The following RARB variants were observed in gnomAD, a reference collection of about 807,000 sequenced individuals.
RARB encodes the protein retinoic acid receptor beta, also known as HBV-activated protein.
In RARB, 17 loss-of-function variants were observed where a neutral mutation model predicts 51.9. The ratio of observed to expected loss-of-function variants is 0.33; its 90% confidence interval spans 0.22 to 0.49. The LOEUF (loss-of-function observed/expected upper bound fraction) is 0.49, where lower values mean the gene tolerates loss of function less well. Among genes scored for constraint, RARB ranks in the 20% least tolerant of loss-of-function variants. RARB has a pLI of 0.99. For synonymous variants in RARB, 215 were observed against 195.4 expected (o/e 1.10, Z -0.84); for missense variants, 369 against 550.8 (o/e 0.67, Z 3.30).
chr3:25,489,904 T>A (rs550415412), intron 2 of RARB, among the ~76,000 whole-genome samples: 68 of 152,224 alleles, frequency 4.5e-4, no homozygotes, highest in African/African-American at 1.6e-3. Context: ...TCGATACTCT[T>A]AGCATTATCA....
chr3:25,117,221 T>C (rs891253260), intron 3 of RARB, among the ~76,000 whole-genome samples: 4 of 152,126 alleles, frequency 2.6e-5, no homozygotes, highest in Non-Finnish European at 4.4e-5. Context: ...TAAAATCAAA[T>C]ATGATAATCT....
At chr3:25,166,789 A>G (rs78703772) in intron 4 of RARB, among the ~76,000 whole-genome samples, 2,430 of 152,202 alleles carry the variant, frequency 0.016, 54 homozygotes, top group African/African-American at 0.054. Flanking sequence ...CTCAAGGCCA[A>G]CTCTAATAAG....
At chr3:25,018,857 C>A (rs981727409) in intron 2 of RARB, among the ~76,000 whole-genome samples, 13 of 152,210 alleles carry the variant, frequency 8.5e-5, no homozygotes, top group African/African-American at 3.1e-4. Flanking sequence ...GGATAAGAAA[C>A]TTTCGTAAGC....
At chr3:25,416,144 C>A (rs943167187) in intron 5 of RARB, among the ~76,000 whole-genome samples, 1 of 152,200 alleles carries the variant, frequency 6.6e-6, no homozygotes, top group African/African-American at 2.4e-5. Flanking sequence ...ATAATCCCAG[C>A]ACTCTGGGAG....
intron 4 of RARB, among the ~76,000 whole-genome samples, chr3:25,141,638 T>C (rs564148294): frequency 9.5e-4 from 144 of 152,332 alleles, no homozygotes; most frequent in Non-Finnish European, 1.9e-3. Flanking sequence ...TTTTCCAATC[T>C]AGATATTTCA....
chr3:25,491,707 G>A (rs1213742829), intron 2 of RARB, among the ~76,000 whole-genome samples: 3 of 152,150 alleles, frequency 2.0e-5, no homozygotes, highest in Non-Finnish European at 2.9e-5. Flanking sequence ...GTGGGAGACC[G>A]AGGCAGGCAA....
intron 5 of RARB, among the ~76,000 whole-genome samples, chr3:25,249,516 G>A (rs1285332005): frequency 2.0e-5 from 3 of 151,784 alleles, no homozygotes; most frequent in South Asian, 2.1e-4. Flanking sequence ...TTTGTTTCTT[G>A]TGTCCTTACA....
In RARB at chr3:24,831,643, T is replaced by TG. The variant is rs150113246; in HGVS notation, c.-459+2247dup. Among the ~76,000 whole-genome samples, 1,045 of 151,338 alleles carry TG rather than the reference T, an allele frequency of 6.9e-3. 10 individuals are homozygous for TG. Among genetic ancestry groups the TG allele is most frequent in the African/African-American group, 0.024 (976 of 41,198 alleles). On this transcript the variant is annotated intron_variant, in intron 1 of 11. Transcript: ENST00000383772. ...AAATACATGATGCTTATAGATATGGTGGGGGGGAACTAGTAGGTAATTCTT... is the reference window on the plus strand; with the variant it reads ...AAATACATGATGCTTATAGATATGGTGGGGGGGGAACTAGTAGGTAATTCTT...
chr3:25,431,361 T>G (rs1708200173), intron 1 of RARB, among the ~76,000 whole-genome samples: 1 of 152,156 alleles, frequency 6.6e-6, no homozygotes, highest in African/African-American at 2.4e-5. Context: ...AATATTCCCT[T>G]TATTTTCTTT....
At chr3:25,180,973 C>G (rs1261337648) in intron 5 of RARB, among the ~76,000 whole-genome samples, 2 of 152,112 alleles carry the variant, frequency 1.3e-5, no homozygotes, top group South Asian at 2.1e-4. Flanking sequence ...TGTCTGCCAA[C>G]TGGAAAAGGG....
chr3:25,084,416 C>CT (rs902154895), intron 3 of RARB, among the ~76,000 whole-genome samples: 1,912 of 145,438 alleles, frequency 0.013, 34 homozygotes, highest in African/African-American at 0.044. Flanking sequence ...GTGTACAAAA[C>CT]TTTTTTTTTT....
At chr3:24,858,421 A>C (rs1702673952) in intron 1 of RARB, among the ~76,000 whole-genome samples, 1 of 152,152 alleles carries the variant, frequency 6.6e-6, no homozygotes. Flanking sequence ...AATATGAAGC[A>C]CTGAACCAAG....
chr3:25,083,778 C>A (rs1348115936), intron 3 of RARB, among the ~76,000 whole-genome samples: 1 of 152,022 alleles, frequency 6.6e-6, no homozygotes, highest in Non-Finnish European at 1.5e-5. Flanking sequence ...GCGTTTTGTT[C>A]TGGAGTTTTA....
At chr3:25,449,756 C>CT (rs11333842) in intron 1 of RARB, among the ~76,000 whole-genome samples, 68 of 146,778 alleles carry the variant, frequency 4.6e-4, no homozygotes, top group African/African-American at 8.0e-4. Context: ...TTCTCTCTCT[C>CT]TTTTTTTTTT....
intron 7 of RARB, 88 bp downstream of exon 7, chr3:25,594,766 T>A: frequency 1.6e-6 from 2 of 1,218,874 alleles, no homozygotes; most frequent in Non-Finnish European, 2.1e-6. Flanking sequence ...TCAGGATGTT[T>A]AATGGCTGCT....
chr3:25,218,222 T>C (rs1041610525), intron 5 of RARB, among the ~76,000 whole-genome samples: 2 of 152,106 alleles, frequency 1.3e-5, no homozygotes, highest in African/African-American at 4.8e-5. Context: ...CTTGAAGGAC[T>C]CCAGCTTCTA....
At chr3:25,537,432 A>G (rs1161058191) in intron 3 of RARB, among the ~76,000 whole-genome samples, 1 of 152,204 alleles carries the variant, frequency 6.6e-6, no homozygotes, top group Non-Finnish European at 1.5e-5. Context: ...GCGTGCACAC[A>G]CAAACGTCAC....
At chr3:25,018,327 G>C (rs908902266) in intron 2 of RARB, among the ~76,000 whole-genome samples, 10 of 152,162 alleles carry the variant, frequency 6.6e-5, no homozygotes, top group African/African-American at 2.4e-4. Flanking sequence ...CTCTAAAGCA[G>C]TATAATCATT....
chr3:24,866,886 G>A (rs1007666040), intron 2 of RARB, among the ~76,000 whole-genome samples: 3 of 152,072 alleles, frequency 2.0e-5, no homozygotes, highest in Non-Finnish European at 4.4e-5. Flanking sequence ...ATAGTTTGGC[G>A]GGAGAAAGGG....
Sources: gnomAD v4.1 joint callset for allele counts (sites outside exome capture counted in the v4.1 genomes callset) on GRCh38, gnomAD v4.1.1 for gene constraint, MANE v1.5 for transcripts, NCBI Gene and HGNC (gene_info 2026-07-23, HGNC 2026-07-21) for gene names.